The following TMEM65 variants were observed in gnomAD, a reference collection of about 807,000 sequenced individuals.
TMEM65 encodes transmembrane protein 65.
A neutral mutation model predicts 25.4 loss-of-function variants in TMEM65; 22 were observed. The observed-to-expected ratio is 0.86, with a 90% confidence interval of 0.62 to 1.23. TMEM65 has a LOEUF of 1.23. Ranked by LOEUF, TMEM65 falls within the 50% of genes most tolerant of loss-of-function variation. TMEM65 has a pLI of 0.00. For synonymous variants in TMEM65, 132 were observed against 126.2 expected (o/e 1.05, Z -0.31); for missense variants, 262 against 308.2 (o/e 0.85, Z 1.12).
intron 1 of TMEM65, among the ~76,000 whole-genome samples, chr8:124,336,824 A>G (rs1236363947): frequency 1.3e-5 from 2 of 151,960 alleles, no homozygotes; most frequent in Non-Finnish European, 1.5e-5. Flanking sequence ...ACAGAAAGCA[A>G]ACAATAAAGA....
At chr8:124,319,752 T>C (rs1471553606) in intron 6 of TMEM65, among the ~76,000 whole-genome samples, 1 of 152,164 alleles carries the variant, frequency 6.6e-6, no homozygotes, top group East Asian at 1.9e-4. Flanking sequence ...CAAATTATAA[T>C]TTGTTTATAT....
chr8:124,333,424 T>C (rs1489041323), intron 1 of TMEM65, among the ~76,000 whole-genome samples: 2 of 151,984 alleles, frequency 1.3e-5, no homozygotes, highest in Non-Finnish European at 2.9e-5. Flanking sequence ...TTTTATTAAA[T>C]CAACTATGGA....
At chr8:124,355,306 T>G (rs17369737) in intron 1 of TMEM65, among the ~76,000 whole-genome samples, 11,523 of 152,162 alleles carry the variant, frequency 0.076, 465 homozygotes, top group African/African-American at 0.11. Flanking sequence ...GCACATAAAA[T>G]TCAGCCAGTT....
intron 2 of TMEM65, among the ~76,000 whole-genome samples, chr8:124,327,886 G>A (rs1377575550): frequency 1.3e-5 from 2 of 152,026 alleles, no homozygotes; most frequent in Non-Finnish European, 2.9e-5. Flanking sequence ...AGTTATTTGG[G>A]TGCTTTTACT....
chr8:124,310,452 A>C lies in TMEM65; in HGVS notation c.*3508T>G, dbSNP rs1264459710. The C allele has an allele frequency of 6.6e-6, 1 of 152,250 alleles. No individual in the cohort carries two copies. Among genetic ancestry groups the C allele is most frequent in the African/African-American group, 2.4e-5 (1 of 41,462 alleles). 9.4% of individuals were successfully genotyped at this position (152,250 alleles called of 1,614,324 possible). A position where few individuals can be genotyped will look rare whatever the true frequency, so the allele number is the denominator to read the frequency against. ...TGATGTCCCTACTGCCTAGCAGTTA[A>C]GAAGACAGGCTTCATACTTGGACAA... On this transcript the variant is annotated 3_prime_UTR_variant, in exon 7 of 7. Transcript: ENST00000297632.
chr8:124,332,663 G>A (rs1814446455), intron 1 of TMEM65, among the ~76,000 whole-genome samples: 1 of 152,026 alleles, frequency 6.6e-6, no homozygotes, highest in African/African-American at 2.4e-5. Flanking sequence ...GAAAACTACT[G>A]GCACAGAGGT....
chr8:124,312,540 A>C lies in TMEM65; in HGVS notation c.*1420T>G, dbSNP rs936469708. On this transcript the variant is annotated 3_prime_UTR_variant, in exon 7 of 7. Coordinates refer to ENST00000297632, the MANE Select transcript of TMEM65 (RefSeq NM_194291.3). ...AACACAAATAACTTCAAAAGCCAAA[A>C]TACTATTTTAATTTTAAGTTTCTCT... is the stretch of plus-strand genomic sequence containing the variant. 7.8e-6 allele frequency: 1 copy of C among 128,942 alleles called. No homozygotes were observed. Among genetic ancestry groups the C allele is most frequent in the African/African-American group, 2.8e-5 (1 of 36,324 alleles). The allele number at this position is 128,942 out of a possible 1,614,324, so 8.0% of individuals were successfully genotyped here. A position where few individuals can be genotyped will look rare whatever the true frequency, so the allele number is the denominator to read the frequency against.
chr8:124,348,448 CTTTT>C (rs1814666903), intron 1 of TMEM65, among the ~76,000 whole-genome samples: 1 of 151,630 alleles, frequency 6.6e-6, no homozygotes, highest in South Asian at 2.1e-4. Context: ...AATGATATTC[CTTTT>C]TTAAAGGCTA....
At chr8:124,356,648 A>G (rs1814785957) in intron 1 of TMEM65, among the ~76,000 whole-genome samples, 2 of 152,156 alleles carry the variant, frequency 1.3e-5, no homozygotes, top group African/African-American at 4.8e-5. Flanking sequence ...TGGACCCCAC[A>G]CACACCTCAG....
intron 5 of TMEM65, among the ~76,000 whole-genome samples, chr8:124,321,285 T>C (rs1441527402): frequency 6.6e-6 from 1 of 152,122 alleles, no homozygotes; most frequent in Non-Finnish European, 1.5e-5. Context: ...CTAAGTAAAC[T>C]TCTAAGAAAA....
At position 124,363,193 on chromosome 8, in the gene TMEM65, G is replaced by A. The variant is rs574344496; in HGVS notation, c.304+8661C>T. Among the ~76,000 whole-genome samples, 4 of 152,276 alleles carry A rather than the reference G, an allele frequency of 2.6e-5. No homozygotes were observed. In the East Asian group the frequency reaches 7.7e-4, roughly 29 times the overall value. On this transcript the variant is annotated intron_variant, in intron 1 of 6. Coordinates refer to ENST00000297632, the MANE Select transcript of TMEM65 (RefSeq NM_194291.3). Reference sequence around the variant, plus strand: ...GAGGGTCCTTGCAGCATCCAAGAGAGAGATAAGAAACAAGCTTATCTGGTA... The same window carrying A: ...GAGGGTCCTTGCAGCATCCAAGAGAAAGATAAGAAACAAGCTTATCTGGTA...
At chr8:124,344,747 T>G (rs1814623249) in intron 1 of TMEM65, among the ~76,000 whole-genome samples, 2 of 152,208 alleles carry the variant, frequency 1.3e-5, no homozygotes, top group African/African-American at 2.4e-5. Flanking sequence ...TCTCTTAGTA[T>G]TATCCTCCTG....
intron 1 of TMEM65, among the ~76,000 whole-genome samples, chr8:124,343,942 C>T (rs185299276): frequency 3.7e-4 from 56 of 152,286 alleles, no homozygotes; most frequent in Admixed American, 2.0e-3. Flanking sequence ...CAGAGGAAGA[C>T]GATTTGACAG....
chr8:124,321,828 A>C (rs2131197289), intron 5 of TMEM65, among the ~76,000 whole-genome samples: 2 of 152,306 alleles, frequency 1.3e-5, no homozygotes, highest in Non-Finnish European at 2.9e-5. Context: ...ACTTTTGCAT[A>C]CATCAGAACC....
intron 1 of TMEM65, among the ~76,000 whole-genome samples, chr8:124,346,008 G>A (rs988790199): frequency 2.0e-5 from 3 of 152,168 alleles, no homozygotes; most frequent in African/African-American, 7.2e-5. Flanking sequence ...GCCTCCCATA[G>A]TGCTGGGATT....
intron 1 of TMEM65, among the ~76,000 whole-genome samples, chr8:124,350,453 T>A (rs1814692918): frequency 7.6e-6 from 1 of 131,760 alleles, no homozygotes; most frequent in East Asian, 2.3e-4. Context: ...CCCTACACTC[T>A]CTCTCTTTCC....
intron 6 of TMEM65, among the ~76,000 whole-genome samples, chr8:124,318,627 C>G (rs774643452): frequency 3.8e-4 from 58 of 152,008 alleles, no homozygotes; most frequent in South Asian, 1.2e-3. Flanking sequence ...CCACCCGCCT[C>G]GGCCTCCCAA....
rs1374655043 is a variant in TMEM65, at chr8:124,331,766, C to T, written c.305-974G>A. On this transcript the variant is annotated intron_variant, in intron 1 of 6. Transcript: ENST00000297632. ...GGATCACTCTAAAGATTTAGTACAA[C>T]CAGATTATCCAAAGAAACGCATTAC... Among the ~76,000 whole-genome samples, 5 of 151,912 alleles carry T rather than the reference C, an allele frequency of 3.3e-5. No homozygotes were observed. In the East Asian group the frequency reaches 9.7e-4, roughly 29 times the overall value.
rs1184984281 is a variant in TMEM65 at position 124,310,769 on chromosome 8, G to C, written c.*3191C>G. 1 of 151,792 alleles carries C rather than the reference G, an allele frequency of 6.6e-6. No homozygotes were observed. Among genetic ancestry groups the C allele is most frequent in the African/African-American group, 2.4e-5 (1 of 41,322 alleles). 9.4% of individuals were successfully genotyped at this position (151,792 alleles called of 1,614,324 possible). A position where few individuals can be genotyped will look rare whatever the true frequency, so the allele number is the denominator to read the frequency against. On this transcript the variant is annotated 3_prime_UTR_variant, in exon 7 of 7. Coordinates refer to ENST00000297632, the MANE Select transcript of TMEM65 (RefSeq NM_194291.3). ...AATTTATGGTAAGATAGGCTAACCAGTTTCTAAGTCCAGACAACTGAGAAA... is the reference window on the plus strand; with the variant it reads ...AATTTATGGTAAGATAGGCTAACCACTTTCTAAGTCCAGACAACTGAGAAA...
Sources: allele counts gnomAD v4.1 joint callset (sites outside exome capture counted in the v4.1 genomes callset), GRCh38; gene constraint gnomAD v4.1.1; transcripts MANE v1.5; gene names NCBI Gene and HGNC (gene_info 2026-07-23, HGNC 2026-07-21).